The following COL5A3 variants were observed in gnomAD, a reference collection of about 807,000 sequenced individuals.
The protein encoded by COL5A3 is collagen alpha-3(V) chain.
COL5A3 carries 172 observed loss-of-function variants against 250.0 expected under a neutral mutation model. The ratio of observed to expected loss-of-function variants is 0.69; its 90% CI spans 0.61 to 0.78. COL5A3 has a LOEUF of 0.78. Among genes scored for constraint, COL5A3 ranks in the 30% least tolerant of loss-of-function variants. COL5A3 has a pLI of 0.00. For missense variants in COL5A3, 2,340 were observed against 2,334.4 expected, an observed-to-expected ratio of 1.00 and a Z score of -0.05; for synonymous variants, 937 against 900.4, an observed-to-expected ratio of 1.04 and a Z score of -0.73.
At chr19:9,975,429 G>A (rs939795915) in intron 45 of COL5A3, among the ~76,000 whole-genome samples, 1 of 152,228 alleles carries the variant, frequency 6.6e-6, no homozygotes, top group South Asian at 2.1e-4. Flanking sequence ...GTAGAGTTGA[G>A]ACTGGGGCTG....
At chr19:9,975,392 T>G (rs1414849372) in intron 45 of COL5A3, among the ~76,000 whole-genome samples, 1 of 152,082 alleles carries the variant, frequency 6.6e-6, no homozygotes, top group Non-Finnish European at 1.5e-5. Context: ...AGATAAGGTT[T>G]GAGTAGAACT....
chr19:9,970,817 A>C, intron 53 of COL5A3, 142 bp from the exon 54 acceptor site: 1 of 1,013,278 alleles, frequency 9.9e-7, no homozygotes, highest in Non-Finnish European at 1.4e-6. Context: ...TACTCCCTCA[A>C]GCTGCTCACA....
chr19:9,976,654 A>G, intron 44 of COL5A3, 43 bp from the exon 45 acceptor site: 2 of 1,486,462 alleles, frequency 1.3e-6, no homozygotes, highest in Non-Finnish European at 1.8e-6. Context: ...CTCAGGTTTA[A>G]GATTAGAGAG....
intron 62 of COL5A3, 115 bp from the exon 63 acceptor site, chr19:9,966,861 G>A (rs2145055549): frequency 2.6e-6 from 2 of 781,588 alleles, no homozygotes; most frequent in Admixed American, 2.7e-5. Flanking sequence ...GAAAGAGGAG[G>A]GAGAGAGATA....
rs1168724914 is a variant in COL5A3, at chr19:9,960,859, A to C, written c.4883T>G (p.Val1628Gly). The change falls in exon 66 of 67, where the codon GTG becomes GGG. Residue 1628 changes from valine (V) to glycine (G), a missense_variant. Around this residue, in one of 3 missense-constraint regions of COL5A3, gnomAD observed 1,179 missense variants for 1,162.6 expected, o/e 1.01. Transcript: ENST00000264828. ...FSYVDADGSP[V>G]NVVQLNFLKL... ...CAGGAAGTTCAGCTGCACGACATTCACTGGGGACCCGTCGGCGTCCACGTA... is the reference window on the plus strand; with the variant it reads ...CAGGAAGTTCAGCTGCACGACATTCCCTGGGGACCCGTCGGCGTCCACGTA... 14 of 1,609,796 alleles carry C rather than the reference A, an allele frequency of 8.7e-6. No homozygotes were observed. Among genetic ancestry groups the C allele is most frequent in the African/African-American group, 5.3e-5 (4 of 74,858 alleles).
intron 65 of COL5A3, 40 bp from the exon 66 acceptor site, chr19:9,960,930 T>A (rs759476362): frequency 6.3e-7 from 1 of 1,593,918 alleles, no homozygotes; most frequent in Non-Finnish European, 8.5e-7. Flanking sequence ...AGGGGCTCCA[T>A]GAGCCTCTTT....
intron 65 of COL5A3, 139 bp from the exon 66 acceptor site, chr19:9,961,029 C>A: frequency 1.0e-6 from 1 of 981,986 alleles, no homozygotes; most frequent in African/African-American, 1.6e-5. Flanking sequence ...CCACCAGCCA[C>A]CTAGAGATCC....
rs749993219 is a variant in COL5A3, at chr19:9,968,517, A to G, written c.4207-25T>C. 6.3e-7 allele frequency: 1 copy of G among 1,581,048 alleles called. No homozygotes were observed. Among genetic ancestry groups the G allele is most frequent in the Non-Finnish European group, 8.6e-7 (1 of 1,167,130 alleles). The stretch of plus-strand genomic sequence containing the variant: ...CCTGAAGGACAAAAGAGGCACAGAC[A>G]GGGGAGGACGTGGGAGGATTCAGGG... On this transcript the variant is annotated intron_variant, in intron 58 of 66. Transcript: ENST00000264828. This position sits in a 1 kb window ranked among gnomAD's most constrained non-coding sequence, Gnocchi z 4.1.
At chr19:10,003,537 C>T (rs771398859) in intron 6 of COL5A3, 28 bp downstream of exon 6, 4 of 1,611,472 alleles carry the variant, frequency 2.5e-6, no homozygotes, top group Non-Finnish European at 3.4e-6. Context: ...TGGTCAAAAC[C>T]GGAAGTGAGA....
intron 64 of COL5A3, among the ~76,000 whole-genome samples, chr19:9,964,208 C>T (rs1266729173): frequency 2.0e-5 from 3 of 151,942 alleles, no homozygotes; most frequent in African/African-American, 4.8e-5. Context: ...GGCACAGTGG[C>T]TTTCTCCCAC....
In COL5A3 at chr19:9,971,018, C is replaced by G. The variant is rs551835027; in HGVS notation, c.3839G>C (p.Gly1280Ala). Residue 1280 changes from glycine to alanine, a missense_variant, in exon 53 of 67, where the codon GGT becomes GCT. Physicochemically the swap from Gly to Ala is moderately conservative, Grantham distance 60. This residue lies in a region of COL5A3 where 1,179 missense variants were observed against 1,162.6 expected (regional missense o/e 1.01). Coordinates refer to ENST00000264828, the MANE Select transcript of COL5A3 (RefSeq NM_015719.4). Reference sequence around the variant, plus strand: ...AGGGTCTCCCTTCTCCCCTGGGGAACCATCTATGCCCTGCATGGGGGGAAG... The same window carrying G: ...AGGGTCTCCCTTCTCCCCTGGGGAAGCATCTATGCCCTGCATGGGGGGAAG... ...PGDPGVSGIDGSPGEKGDPGD... is the reference protein window; with the variant it reads ...PGDPGVSGIDASPGEKGDPGD... 6 of 1,534,694 alleles carry G rather than the reference C, an allele frequency of 3.9e-6. No individual in the cohort carries two copies.
chr19:10,004,262 C>G (rs766882219), intron 4 of COL5A3, 117 bp from the exon 5 acceptor site: 79 of 690,538 alleles, frequency 1.1e-4, no homozygotes, highest in Non-Finnish European at 1.9e-4. Flanking sequence ...AATGCTCCCC[C>G]ACCCAGAGCA....
chr19:9,972,761 G>A (rs1287247369), intron 51 of COL5A3, among the ~76,000 whole-genome samples, 158 bp downstream of exon 51: 12 of 152,172 alleles, frequency 7.9e-5, no homozygotes, highest in South Asian at 4.1e-4. Context: ...GCTTGAACCC[G>A]GAAGACGGAG....
chr19:10,004,508 T>A (rs1164505641), intron 4 of COL5A3, among the ~76,000 whole-genome samples: 1 of 152,206 alleles, frequency 6.6e-6, no homozygotes, highest in African/African-American at 2.4e-5. Context: ...TTTTTGAATT[T>A]TTAGTAAAGA....
chr19:9,972,100 T>C (rs1014942469), intron 51 of COL5A3, among the ~76,000 whole-genome samples: 32 of 152,244 alleles, frequency 2.1e-4, no homozygotes, highest in African/African-American at 7.7e-4. Context: ...CATTTGTCCA[T>C]TCGGCCACTC....
Position 9,986,337 on chromosome 19 carries a change from G to A in COL5A3, c.2330C>T (p.Pro777Leu), listed in dbSNP as rs2087099348. The A allele has an allele frequency of 1.3e-6, 2 of 1,584,120 alleles. No individual in the cohort carries two copies. The highest frequency in any genetic ancestry group is 2.7e-5 in the African/African-American group (2 of 74,046). The change falls in exon 30 of 67, where the codon CCC becomes CTC. Residue 777 changes from proline (P) to leucine (L), a missense_variant. Around this residue, in one of 3 missense-constraint regions of COL5A3, gnomAD observed 1,152 missense variants for 1,146.3 expected, o/e 1.00. Transcript: ENST00000264828. ...GQAGQAGEEG[P>L]PGSAGEKGKL... ...TACCTTCTCCCCAGCTGAGCCTGGG[G>A]GCCCCTCCTCGCCAGCCTGCCCCGC...
rs2086807424 is a variant in COL5A3 at position 9,970,043 on chromosome 19, GGGGTGAATGAGGTCT to G, written c.3937-136_3937-122del. 1.3e-5 allele frequency: 5 copies of G among 375,172 alleles called. 1 individual carries two copies. The highest frequency in any genetic ancestry group is 1.4e-5 in the Non-Finnish European group (3 of 220,970). 23.2% of individuals were successfully genotyped at this position (375,172 alleles called of 1,614,324 possible). A position where few individuals can be genotyped will look rare whatever the true frequency, so the allele number is the denominator to read the frequency against. ...GGTCTGTAAGGTGAGTGGGGTCTGT[GGGGTGAATGAGGTCT>G]GGGTGAGTGGGGGCTGTGGGTGAGT... is the stretch of plus-strand genomic sequence containing the variant. On this transcript the variant is annotated intron_variant, in intron 54 of 66. Transcript: ENST00000264828.
intron 65 of COL5A3, 139 bp from the exon 66 acceptor site, chr19:9,961,029 C>G (rs1379160864): frequency 1.0e-6 from 1 of 981,868 alleles, no homozygotes; most frequent in Non-Finnish European, 1.5e-6. Context: ...CCACCAGCCA[C>G]CTAGAGATCC....
chr19:9,960,300 C>T lies in COL5A3; in HGVS notation c.*111G>A, dbSNP rs2086653827. 2.3e-6 allele frequency: 3 copies of T among 1,303,436 alleles called. No homozygotes were observed. Among genetic ancestry groups the T allele is most frequent in the South Asian group, 2.6e-5 (2 of 77,046 alleles). The allele number at this position is 1,303,436 out of a possible 1,614,324, so 80.7% of individuals were successfully genotyped here. ...CTGTCCGTGATGAGCGAAGTCACAT[C>T]CCATTGGCTCCATAGTCACAGGTAA... is the stretch of plus-strand genomic sequence containing the variant. On this transcript the variant is annotated 3_prime_UTR_variant, in exon 67 of 67. Transcript: ENST00000264828.
Sources: allele counts gnomAD v4.1 joint callset (sites outside exome capture counted in the v4.1 genomes callset), GRCh38; gene constraint gnomAD v4.1.1; regional missense constraint gnomAD v4.1.1; non-coding constraint Gnocchi (gnomAD v3.1); transcripts MANE v1.5; gene names NCBI Gene and HGNC (gene_info 2026-07-23, HGNC 2026-07-21).